Variants in CNTN1 observed in about 807,000 individuals in gnomAD.
CNTN1 encodes the protein contactin-1.
CNTN1 carries 38 observed loss-of-function variants against 126.4 expected under a neutral mutation model. The ratio of observed to expected loss-of-function variants is 0.30; its 90% CI spans 0.23 to 0.39. The LOEUF (loss-of-function observed/expected upper bound fraction) is 0.39. Ranked by LOEUF, CNTN1 falls within the 10% of genes least tolerant of loss-of-function variation. The pLI is 1.00. For synonymous variants in CNTN1, 413 were observed against 422.6 expected, an observed-to-expected ratio of 0.98 and a Z score of 0.28; for missense variants, 1,009 against 1,248.4, an observed-to-expected ratio of 0.81 and a Z score of 2.89.
Position 41,070,783 on chromosome 12 carries a change from T to C in CNTN1, c.*748T>C, listed in dbSNP as rs1950143870. ...TATATTCTACTCTGAAGTTATTTTATGCTTTTCTTATCAATTTCAAATCTC... is the reference window on the plus strand; with the variant it reads ...TATATTCTACTCTGAAGTTATTTTACGCTTTTCTTATCAATTTCAAATCTC... On this transcript the variant is annotated 3_prime_UTR_variant, in exon 24 of 24. Coordinates refer to ENST00000551295, the MANE Select transcript of CNTN1 (RefSeq NM_001843.4). The C allele has an allele frequency of 6.6e-6, 1 of 152,164 alleles. No individual in the cohort carries two copies. The highest frequency in any genetic ancestry group is 1.5e-5 in the Non-Finnish European group (1 of 68,016). 9.4% of individuals were successfully genotyped at this position (152,164 alleles called of 1,614,324 possible). A position where few individuals can be genotyped will look rare whatever the true frequency, so the allele number is the denominator to read the frequency against.
intron 1 of CNTN1, among the ~76,000 whole-genome samples, chr12:40,795,354 G>C (rs1320493400): frequency 7.3e-6 from 1 of 137,672 alleles, no homozygotes; most frequent in Non-Finnish European, 1.5e-5. Context: ...GTCTCGCTCT[G>C]TCGCCAGGCT....
At chr12:41,068,012 G>A (rs576967070) in intron 23 of CNTN1, among the ~76,000 whole-genome samples, 3 of 152,124 alleles carry the variant, frequency 2.0e-5, no homozygotes, top group Non-Finnish European at 4.4e-5. Flanking sequence ...TTTTCCTTCT[G>A]TGCCCTTGCC....
chr12:40,872,936 A>G (rs1419795370), intron 1 of CNTN1, among the ~76,000 whole-genome samples: 2 of 152,060 alleles, frequency 1.3e-5, no homozygotes, highest in East Asian at 1.9e-4. Flanking sequence ...TTATTACCCC[A>G]TTTTAAAAAA....
intron 1 of CNTN1, among the ~76,000 whole-genome samples, chr12:40,847,533 C>A (rs923722387): frequency 6.6e-6 from 1 of 152,092 alleles, no homozygotes; most frequent in African/African-American, 2.4e-5. Flanking sequence ...ACTGAATTCA[C>A]TAATGGTTGC....
At chr12:41,002,766 C>G (rs1030028907) in intron 17 of CNTN1, among the ~76,000 whole-genome samples, 3 of 151,982 alleles carry the variant, frequency 2.0e-5, no homozygotes, top group Admixed American at 2.0e-4. Context: ...ACCATGTTAG[C>G]CAGTGTGGTC....
At chr12:40,885,029 G>C (rs1289261971) in intron 1 of CNTN1, among the ~76,000 whole-genome samples, 2 of 151,734 alleles carry the variant, frequency 1.3e-5, no homozygotes, top group African/African-American at 2.4e-5. Context: ...AATGCTTATT[G>C]ATTTTTTTCT....
intron 1 of CNTN1, among the ~76,000 whole-genome samples, chr12:40,849,072 C>T (rs543248333): frequency 1.1e-4 from 16 of 152,112 alleles, no homozygotes; most frequent in South Asian, 2.1e-4. Flanking sequence ...GACTAAGAAC[C>T]GAAGAACCTG....
chr12:40,981,136 T>G, intron 16 of CNTN1, 69 bp downstream of exon 16: 2 of 1,533,398 alleles, frequency 1.3e-6, no homozygotes, highest in South Asian at 2.3e-5. Flanking sequence ...AAACAAAAAT[T>G]TGGAGGTTTT....
intron 6 of CNTN1, among the ~76,000 whole-genome samples, chr12:40,928,959 T>G (rs1042182907): frequency 3.3e-5 from 5 of 151,978 alleles, no homozygotes; most frequent in African/African-American, 1.2e-4. Context: ...ACTTATATTC[T>G]TCCCAGTAGA....
Position 40,944,011 on chromosome 12 carries a change from A to T in CNTN1, c.1524A>T (p.Ile508=). ...TLVITDPTRI[I]LAPINADITV... The stretch of plus-strand genomic sequence containing the variant: ...AATATATAGATCCTACGCGAATTAT[A>T]TTGGCCCCAATTAATGCCGATATCA... Residue 508 remains isoleucine, a synonymous_variant, in exon 14 of 24, where the codon ATA becomes ATT. Coordinates refer to ENST00000551295, the MANE Select transcript of CNTN1 (RefSeq NM_001843.4). The T allele has an allele frequency of 6.2e-7, 1 of 1,613,482 alleles. No homozygotes were observed. The highest frequency in any genetic ancestry group is 8.5e-7 in the Non-Finnish European group (1 of 1,179,574).
At chr12:40,707,227 C>CTTTTTTTTTTTTTTTTTTTTTTTTTTTT (rs370984371) in intron 1 of CNTN1, among the ~76,000 whole-genome samples, 16 of 109,160 alleles carry the variant, frequency 1.5e-4, no homozygotes, top group African/African-American at 2.7e-4. Context: ...TTTTCTTTTT[C>CTTTTTTTTTTTTTTTTTTTTTTTTTTTT]TTTTTTTTTT....
Position 40,886,246 on chromosome 12 carries a change from T to C in CNTN1, c.-76-22111T>C, listed in dbSNP as rs1295884458. On this transcript the variant is annotated intron_variant, in intron 1 of 23. Transcript: ENST00000551295. ...AGTGCTAAATTCTGTGTTTCCAGTA[T>C]GGTAGAAGACACTGGGATAAAAAAC... Among the ~76,000 whole-genome samples the C allele has an allele frequency of 4.6e-5, 7 of 152,106 alleles. No homozygotes were observed. The East Asian group carries it at 7.7e-4, about 17-fold the overall frequency.
At chr12:41,069,644 A>G (rs903983395) in intron 23 of CNTN1, among the ~76,000 whole-genome samples, 8 of 149,158 alleles carry the variant, frequency 5.4e-5, no homozygotes, top group African/African-American at 2.0e-4. Context: ...ATGCATGTAT[A>G]TATGTTTCTT....
chr12:40,872,576 T>TTTC (rs1202088519), intron 1 of CNTN1, among the ~76,000 whole-genome samples: 1 of 142,980 alleles, frequency 7.0e-6, no homozygotes, highest in Non-Finnish European at 1.5e-5. Context: ...TCTTTCTTTT[T>TTTC]TTTTTTTTTT....
intron 23 of CNTN1, among the ~76,000 whole-genome samples, chr12:41,067,121 C>T (rs1950062354): frequency 1.3e-5 from 2 of 152,098 alleles, no homozygotes; most frequent in African/African-American, 4.8e-5. Context: ...TTAGATAGTA[C>T]TTCAATTCGG....
chr12:40,849,144 C>T (rs1942625360), intron 1 of CNTN1, among the ~76,000 whole-genome samples: 2 of 152,016 alleles, frequency 1.3e-5, no homozygotes, highest in African/African-American at 4.8e-5. Context: ...GGCTACTGAT[C>T]ATTAAAATGG....
chr12:41,018,814 G>A (rs1161251457), intron 19 of CNTN1, among the ~76,000 whole-genome samples: 1 of 152,024 alleles, frequency 6.6e-6, no homozygotes, highest in East Asian at 1.9e-4. Flanking sequence ...CAGTGGAAAA[G>A]TCCTGATGAC....
chr12:41,030,359 T>C (rs926887449), intron 23 of CNTN1, among the ~76,000 whole-genome samples: 1 of 152,102 alleles, frequency 6.6e-6, no homozygotes, highest in African/African-American at 2.4e-5. Flanking sequence ...ACAATACATA[T>C]ATACATCCTT....
At chr12:40,906,943 G>T (rs1944852902) in intron 1 of CNTN1, among the ~76,000 whole-genome samples, 1 of 152,044 alleles carries the variant, frequency 6.6e-6, no homozygotes, top group South Asian at 2.1e-4. Flanking sequence ...CTCCCAAAGG[G>T]CTGGGATTAC....
Sources: allele counts gnomAD v4.1 joint callset (sites outside exome capture counted in the v4.1 genomes callset), GRCh38; gene constraint gnomAD v4.1.1; transcripts MANE v1.5; gene names NCBI Gene and HGNC (gene_info 2026-07-23, HGNC 2026-07-21).